Variants in GFRAL observed in about 807,000 individuals in gnomAD.
The protein encoded by GFRAL is GDNF family receptor alpha-like.
In GFRAL, 36 loss-of-function variants were observed where a neutral mutation model predicts 45.4. That is an observed-to-expected ratio of 0.79 (90% CI 0.61 to 1.05). The LOEUF (loss-of-function observed/expected upper bound fraction) is 1.05. Among genes scored for constraint, GFRAL ranks in the 50% least tolerant of loss-of-function variants. GFRAL has a pLI of 0.00. For missense variants in GFRAL, 507 were observed against 467.5 expected (o/e 1.08, Z -0.78); for synonymous variants, 166 against 154.1 (o/e 1.08, Z -0.57).
chr6:55,369,664 G>A (rs1022651493), intron 6 of GFRAL, among the ~76,000 whole-genome samples: 2 of 147,256 alleles, frequency 1.4e-5, no homozygotes, highest in Admixed American at 6.9e-5. Flanking sequence ...TAGACCATAA[G>A]ATTTGTGCAT....
intron 6 of GFRAL, among the ~76,000 whole-genome samples, chr6:55,378,650 A>C (rs1444193213): frequency 6.6e-6 from 1 of 151,884 alleles, no homozygotes; most frequent in Non-Finnish European, 1.5e-5. Context: ...TACTTCCACA[A>C]GTCTTTTTCC....
intron 6 of GFRAL, among the ~76,000 whole-genome samples, chr6:55,373,490 C>G (rs1045584511): frequency 6.6e-6 from 1 of 152,080 alleles, no homozygotes; most frequent in Non-Finnish European, 1.5e-5. Flanking sequence ...CATGTACTTG[C>G]TTTTTATCAG....
intron 6 of GFRAL, among the ~76,000 whole-genome samples, chr6:55,368,718 G>T (rs879829544): frequency 7.2e-5 from 11 of 152,202 alleles, no homozygotes; most frequent in Admixed American, 1.3e-4. Context: ...GTGTCAGTCT[G>T]CCCCTGCTGG....
At chr6:55,358,736 G>T in intron 5 of GFRAL, 152 bp from the exon 6 acceptor site, 1 of 651,552 alleles carries the variant, frequency 1.5e-6, no homozygotes, top group Non-Finnish European at 2.6e-6. Flanking sequence ...ACTACCTATG[G>T]TGATTTTTCA....
At chr6:55,342,309 G>A (rs1767978509) in intron 3 of GFRAL, among the ~76,000 whole-genome samples, 1 of 152,200 alleles carries the variant, frequency 6.6e-6, no homozygotes, top group Non-Finnish European at 1.5e-5. Context: ...AGGCCCAGCA[G>A]ACTAACAGCA....
intron 6 of GFRAL, among the ~76,000 whole-genome samples, chr6:55,367,602 G>T (rs1253687588): frequency 1.3e-5 from 2 of 151,396 alleles, no homozygotes; most frequent in Non-Finnish European, 2.9e-5. Context: ...TCCATGTTTA[G>T]TGCTTCCTTC....
intron 3 of GFRAL, among the ~76,000 whole-genome samples, chr6:55,343,519 T>C (rs1462526299): frequency 6.6e-6 from 1 of 152,156 alleles, no homozygotes; most frequent in African/African-American, 2.4e-5. Flanking sequence ...CTAGGACACA[T>C]TTAAAGCAGT....
At chr6:55,371,191 T>G (rs1768445773) in intron 6 of GFRAL, among the ~76,000 whole-genome samples, 1 of 152,218 alleles carries the variant, frequency 6.6e-6, no homozygotes, top group South Asian at 2.1e-4. Context: ...TATTTCTAGG[T>G]ATGGCCCAAA....
At chr6:55,383,073 T>A (rs1481733156) in intron 6 of GFRAL, among the ~76,000 whole-genome samples, 1 of 151,880 alleles carries the variant, frequency 6.6e-6, no homozygotes, top group Non-Finnish European at 1.5e-5. Context: ...AATTTTAGGG[T>A]AGATAATCAA....
At chr6:55,354,897 A>G (rs1455531715) in intron 5 of GFRAL, among the ~76,000 whole-genome samples, 1 of 151,968 alleles carries the variant, frequency 6.6e-6, no homozygotes, top group Non-Finnish European at 1.5e-5. Flanking sequence ...GAACAATTTA[A>G]GGGCCATTTC....
intron 6 of GFRAL, among the ~76,000 whole-genome samples, chr6:55,395,830 C>T (rs996293933): frequency 1.3e-5 from 2 of 151,248 alleles, no homozygotes; most frequent in African/African-American, 4.9e-5. Context: ...CTCTCCATAG[C>T]TCATTTGGGG....
At chr6:55,384,112 G>A (rs1016788552) in intron 6 of GFRAL, among the ~76,000 whole-genome samples, 1 of 151,936 alleles carries the variant, frequency 6.6e-6, no homozygotes, top group African/African-American at 2.4e-5. Context: ...TCACACACTG[G>A]GGCCTGTTGG....
chr6:55,338,027 T>C (rs1767913570), intron 3 of GFRAL, among the ~76,000 whole-genome samples: 2 of 152,164 alleles, frequency 1.3e-5, no homozygotes, highest in Non-Finnish European at 2.9e-5. Flanking sequence ...AGTTTTAATT[T>C]AAATTTATGT....
intron 3 of GFRAL, among the ~76,000 whole-genome samples, chr6:55,335,998 A>G (rs1305605603): frequency 1.3e-5 from 2 of 151,960 alleles, no homozygotes; most frequent in African/African-American, 4.8e-5. Flanking sequence ...AGGCTGGAGC[A>G]TAGTGGCCCA....
At chr6:55,354,626 G>A (rs1413681434) in intron 5 of GFRAL, among the ~76,000 whole-genome samples, 1 of 151,786 alleles carries the variant, frequency 6.6e-6, no homozygotes, top group Non-Finnish European at 1.5e-5. Flanking sequence ...ATTTTCCTGA[G>A]CACATTTTGC....
At chr6:55,367,306 C>T (rs1467256895) in intron 6 of GFRAL, among the ~76,000 whole-genome samples, 1 of 140,580 alleles carries the variant, frequency 7.1e-6, no homozygotes. Flanking sequence ...AGATCTTCCT[C>T]CATCCTTTTA....
intron 5 of GFRAL, among the ~76,000 whole-genome samples, chr6:55,353,050 T>G (rs933946686): frequency 6.6e-6 from 1 of 151,898 alleles, no homozygotes; most frequent in Non-Finnish European, 1.5e-5. Flanking sequence ...TAGGAAAACA[T>G]GTATGTGGCA....
chr6:55,367,962 G>A (rs1396589487), intron 6 of GFRAL, among the ~76,000 whole-genome samples: 3 of 146,492 alleles, frequency 2.0e-5, no homozygotes, highest in South Asian at 4.4e-4. Context: ...GGCGTTCTCT[G>A]TATTTCCTGA....
At chr6:55,332,963 C>A (rs1177043476) in intron 2 of GFRAL, among the ~76,000 whole-genome samples, 2 of 151,904 alleles carry the variant, frequency 1.3e-5, no homozygotes, top group African/African-American at 4.8e-5. Context: ...ACAGTATAAT[C>A]TATCTACAGT....
Sources: gnomAD v4.1 joint callset for allele counts (sites outside exome capture counted in the v4.1 genomes callset) on GRCh38, gnomAD v4.1.1 for gene constraint, MANE v1.5 for transcripts, NCBI Gene and HGNC (gene_info 2026-07-23, HGNC 2026-07-21) for gene names.